Variants in BMP6 observed in about 807,000 individuals in gnomAD.
The protein encoded by BMP6 is VG-1-R.
Under a neutral mutation model 54.1 loss-of-function variants are expected in BMP6, and 17 were observed. The ratio of observed to expected loss-of-function variants is 0.31; its 90% CI spans 0.22 to 0.47. BMP6 has a LOEUF of 0.47. Among genes scored for constraint, BMP6 ranks in the 20% least tolerant of loss-of-function variants. The pLI, the probability that BMP6 is intolerant of heterozygous loss-of-function variation, is 1.00. For synonymous variants in BMP6, 328 were observed against 291.2 expected, an observed-to-expected ratio of 1.13 and a Z score of -1.28; for missense variants, 720 against 690.4, an observed-to-expected ratio of 1.04 and a Z score of -0.48.
chr6:7,859,585 G>A (rs2113274210), intron 2 of BMP6, among the ~76,000 whole-genome samples: 1 of 152,246 alleles, frequency 6.6e-6, no homozygotes, highest in Non-Finnish European at 1.5e-5. Flanking sequence ...GGTCTTCTGT[G>A]ACCTTCCAGA....
At chr6:7,840,605 T>C (rs1758953202) in intron 1 of BMP6, among the ~76,000 whole-genome samples, 1 of 152,140 alleles carries the variant, frequency 6.6e-6, no homozygotes, top group Admixed American at 6.5e-5. Context: ...GTGAGTTTTA[T>C]AAAGCTTCGT....
chr6:7,853,029 C>G (rs745834595), intron 2 of BMP6, among the ~76,000 whole-genome samples: 1 of 152,148 alleles, frequency 6.6e-6, no homozygotes, highest in Non-Finnish European at 1.5e-5. Context: ...AAGCTCTAGG[C>G]CGCTACCAAT....
At chr6:7,851,324 A>G (rs1759138525) in intron 2 of BMP6, among the ~76,000 whole-genome samples, 7 of 152,132 alleles carry the variant, frequency 4.6e-5, no homozygotes, top group Admixed American at 4.6e-4. Flanking sequence ...CATTTTTATT[A>G]GATTAATTTT....
chr6:7,742,127 T>TTATAACCA (rs1757275280), intron 1 of BMP6, among the ~76,000 whole-genome samples: 1 of 152,254 alleles, frequency 6.6e-6, no homozygotes, highest in Non-Finnish European at 1.5e-5. Context: ...CTTATTAAGT[T>TTATAACCA]CTGTATGTGG....
At chr6:7,749,213 C>T (rs1316004134) in intron 1 of BMP6, among the ~76,000 whole-genome samples, 3 of 152,150 alleles carry the variant, frequency 2.0e-5, no homozygotes, top group African/African-American at 4.8e-5. Flanking sequence ...GTGCTTAGCT[C>T]GGATTGCCAG....
At chr6:7,803,713 G>A (rs1043127221) in intron 1 of BMP6, among the ~76,000 whole-genome samples, 1 of 151,924 alleles carries the variant, frequency 6.6e-6, no homozygotes, top group African/African-American at 2.4e-5. Flanking sequence ...TATGAATACC[G>A]CTATATTTCA....
chr6:7,753,369 G>A (rs370910325), intron 1 of BMP6, among the ~76,000 whole-genome samples: 57 of 152,336 alleles, frequency 3.7e-4, no homozygotes, highest in African/African-American at 1.3e-3. Flanking sequence ...CTACCCAAAT[G>A]TGGTCTGTGG....
At chr6:7,816,272 A>C (rs1758524819) in intron 1 of BMP6, among the ~76,000 whole-genome samples, 1 of 152,206 alleles carries the variant, frequency 6.6e-6, no homozygotes, top group Non-Finnish European at 1.5e-5. Flanking sequence ...AGTGGAAGAG[A>C]ATGGAGTTTA....
intron 1 of BMP6, among the ~76,000 whole-genome samples, chr6:7,808,442 CG>C (rs1414944251): frequency 6.6e-6 from 1 of 152,168 alleles, no homozygotes; most frequent in African/African-American, 2.4e-5. Context: ...CAAAACCAAT[CG>C]CCTGACATTT....
At chr6:7,818,632 T>TGTCTCCATCACAAACA (rs1267306475) in intron 1 of BMP6, among the ~76,000 whole-genome samples, 1 of 152,218 alleles carries the variant, frequency 6.6e-6, no homozygotes, top group Non-Finnish European at 1.5e-5. Context: ...TGCTTCTAGC[T>TGTCTCCATCACAAACA]GTCTCCATCA....
intron 1 of BMP6, among the ~76,000 whole-genome samples, chr6:7,824,851 T>C (rs1758668360): frequency 6.6e-6 from 1 of 152,212 alleles, no homozygotes; most frequent in East Asian, 1.9e-4. Flanking sequence ...AGTGTCAGTG[T>C]TTCCAGTATT....
chr6:7,845,806 A>G (rs1193125556), intron 2 of BMP6, among the ~76,000 whole-genome samples: 1 of 149,934 alleles, frequency 6.7e-6, no homozygotes, highest in Non-Finnish European at 1.5e-5. Context: ...TTTTTTTTTT[A>G]TCACTTGGAT....
chr6:7,831,925 C>T lies in BMP6; in HGVS notation c.665-13215C>T, dbSNP rs188531194. The stretch of plus-strand genomic sequence containing the variant: ...AAGCAGGACCCAGCCCTGGCTCACA[C>T]GTGCATTCAACACACATTCTTGGGC... On this transcript the variant is annotated intron_variant, in intron 1 of 6. Coordinates refer to ENST00000283147, the MANE Select transcript of BMP6 (RefSeq NM_001718.6). Among the ~76,000 whole-genome samples, 11 of 152,314 alleles carry T rather than the reference C, an allele frequency of 7.2e-5. No individual in the cohort carries two copies. The East Asian group carries it at 1.5e-3, about 21-fold the overall frequency.
At chr6:7,865,798 C>T (rs370395690) in intron 4 of BMP6, among the ~76,000 whole-genome samples, 1 of 152,188 alleles carries the variant, frequency 6.6e-6, no homozygotes, top group African/African-American at 2.4e-5. Flanking sequence ...TCTTCCATGG[C>T]GTGCTCCCAG....
At chr6:7,790,787 C>T (rs1758090511) in intron 1 of BMP6, among the ~76,000 whole-genome samples, 1 of 152,214 alleles carries the variant, frequency 6.6e-6, no homozygotes, top group Non-Finnish European at 1.5e-5. Flanking sequence ...GACATCGCCA[C>T]ATGGCCCAAT....
chr6:7,813,712 A>G (rs1325085668), intron 1 of BMP6, among the ~76,000 whole-genome samples: 3 of 151,000 alleles, frequency 2.0e-5, no homozygotes, highest in East Asian at 1.9e-4. Flanking sequence ...GAAAATTTCT[A>G]TAGATACTCC....
intron 1 of BMP6, among the ~76,000 whole-genome samples, chr6:7,762,204 G>A (rs551844469): frequency 1.3e-5 from 2 of 152,308 alleles, no homozygotes; most frequent in South Asian, 2.1e-4. Context: ...TTACAGGTCT[G>A]AGCCACTGCA....
At position 7,759,696 on chromosome 6, in the gene BMP6, C is replaced by CTTTTTTTTT. The variant is rs71542880; in HGVS notation, c.664+32093_664+32101dup. 1.1e-3 allele frequency among the ~76,000 whole-genome samples: 67 copies of CTTTTTTTTT among 62,134 alleles called. 1 individual carries two copies. Among genetic ancestry groups the CTTTTTTTTT allele is most frequent in the African/African-American group, 2.5e-3 (25 of 10,154 alleles). The allele number at this position is 62,134 out of a possible 152,430, so 40.8% of individuals were successfully genotyped here. A position where few individuals can be genotyped will look rare whatever the true frequency, so the allele number is the denominator to read the frequency against. ...TTTAAAGACTAATTTCTTTCTTCTT[C>CTTTTTTTTT]TTTTTTTTTTTTTTTTTTTTTTTTG... On this transcript the variant is annotated intron_variant, in intron 1 of 6. Coordinates refer to ENST00000283147, the MANE Select transcript of BMP6 (RefSeq NM_001718.6).
rs1425277497 is a variant in BMP6 at position 7,727,443 on chromosome 6, A to C, written c.488A>C (p.His163Pro). 1 of 1,602,936 alleles carries C rather than the reference A, an allele frequency of 6.2e-7. No homozygotes were observed. The highest frequency in any genetic ancestry group is 1.7e-5 in the Admixed American group (1 of 59,358). The change falls in exon 1 of 7, where the codon CAC becomes CCC. Residue 163 changes from histidine to proline, a missense_variant. This residue lies in a region of BMP6 where 650 missense variants were observed against 556.3 expected (regional missense o/e 1.17). Transcript: ENST00000283147. ...GGGGAGAGGCAGCAGTCCTGGCCCC[A>C]CGAAGCAGCCAGCTCGTCCCAGCGT... ...SEGERQQSWP[H>P]EAASSSQRRQ... is the part of the protein sequence containing the mutation.
Sources: gnomAD v4.1 joint callset for allele counts (sites outside exome capture counted in the v4.1 genomes callset) on GRCh38, gnomAD v4.1.1 for gene constraint, gnomAD v4.1.1 regional missense constraint, MANE v1.5 for transcripts, NCBI Gene and HGNC (gene_info 2026-07-23, HGNC 2026-07-21) for gene names.